MARF1: variants seen among roughly 807,000 people sequenced by gnomAD.
MARF1 encodes limkain-b1.
A neutral mutation model predicts 168.2 loss-of-function variants in MARF1; 24 were observed. The ratio of observed to expected loss-of-function variants is 0.14; its 90% CI spans 0.10 to 0.20. The LOEUF is 0.20. MARF1 is among the 10% of genes least tolerant of loss of function. The probability of loss-of-function intolerance (pLI) is 1.00; values close to 1 mark genes in which losing one functional copy is unlikely to be tolerated. For missense variants in MARF1, 1,744 were observed against 2,143.6 expected (o/e 0.81, Z 3.68); for synonymous variants, 868 against 822.4 (o/e 1.06, Z -0.95).
chr16:15,638,598 G>A (rs201340824), intron 2 of MARF1, among the ~76,000 whole-genome samples: 9 of 150,362 alleles, frequency 6.0e-5, no homozygotes, highest in Non-Finnish European at 1.0e-4. Flanking sequence ...AAAAAAAAAA[G>A]AAAATGTCAA....
At chr16:15,603,005 G>A (rs2032657906) in intron 22 of MARF1, among the ~76,000 whole-genome samples, 1 of 152,230 alleles carries the variant, frequency 6.6e-6, no homozygotes. Flanking sequence ...AACATGCTAT[G>A]GAATCGCCAA....
chr16:15,611,194 C>T, intron 18 of MARF1, 86 bp from the exon 19 acceptor site: 1 of 1,341,646 alleles, frequency 7.5e-7, no homozygotes, highest in Non-Finnish European at 1.1e-6. Flanking sequence ...CGCTGGGGCT[C>T]ACGCCTGTAA....
intron 16 of MARF1, among the ~76,000 whole-genome samples, chr16:15,615,321 C>T (rs552280559): frequency 1.3e-5 from 2 of 152,110 alleles, no homozygotes; most frequent in East Asian, 3.9e-4. Context: ...CACAGCAAGG[C>T]CCTATCTAAA....
intron 7 of MARF1, among the ~76,000 whole-genome samples, chr16:15,627,290 C>T (rs2034933570): frequency 6.6e-6 from 1 of 151,540 alleles, no homozygotes; most frequent in Non-Finnish European, 1.5e-5. Flanking sequence ...GAGTTCAAGA[C>T]CAGCCTGGCC....
In MARF1 at chr16:15,605,164, A is replaced by T. The variant is rs551535116; in HGVS notation, c.4183-766T>A. 1.4e-4 allele frequency among the ~76,000 whole-genome samples: 22 copies of T among 152,302 alleles called. No individual in the cohort carries two copies. The South Asian group carries it at 4.3e-3, about 30-fold the overall frequency. On this transcript the variant is annotated intron_variant, in intron 21 of 26. Coordinates refer to ENST00000396368, the MANE Select transcript of MARF1 (RefSeq NM_014647.4). Reference sequence around the variant, plus strand: ...GGCTGTGGCGTGAGCCTTTCCTGGCACAAAAACAGGCAGAGCTTTGGCACA... The same window carrying T: ...GGCTGTGGCGTGAGCCTTTCCTGGCTCAAAAACAGGCAGAGCTTTGGCACA...
At position 15,625,210 on chromosome 16, in the gene MARF1, A is replaced by C. The variant is rs770088064; in HGVS notation, c.1954-37T>G. 3.7e-6 allele frequency: 6 copies of C among 1,605,310 alleles called. No homozygotes were observed. The South Asian group carries it at 6.6e-5, about 18-fold the overall frequency. ...CAAGCACAGTGGGGTTTAAATTTTA[A>C]GTACCCAAGATGTGTTAGATCCTTT... On this transcript the variant is annotated intron_variant, in intron 8 of 26. Transcript: ENST00000396368.
intron 11 of MARF1, among the ~76,000 whole-genome samples, chr16:15,622,537 G>A (rs151072289): frequency 0.012 from 1,802 of 152,086 alleles, 38 homozygotes; most frequent in African/African-American, 0.041. Context: ...GACTACAGGC[G>A]TGCACCACCA....
intron 1 of MARF1, among the ~76,000 whole-genome samples, chr16:15,640,286 T>C (rs2035863043): frequency 6.6e-6 from 1 of 152,210 alleles, no homozygotes; most frequent in Admixed American, 6.5e-5. Context: ...ATTGAACCAA[T>C]TTCTTAGTTT....
In MARF1 at chr16:15,604,388, A is replaced by G. The variant is rs374820287; in HGVS notation, c.4193T>C (p.Ile1398Thr). The G allele has an allele frequency of 1.6e-5, 26 of 1,612,980 alleles. No homozygotes were observed. Among genetic ancestry groups the G allele is most frequent in the East Asian group, 2.2e-5 (1 of 44,886 alleles). The change falls in exon 22 of 27, where the codon ATA becomes ACA. Residue 1398 changes from isoleucine to threonine, a missense_variant. Physicochemically the swap from Ile to Thr is moderately conservative, Grantham distance 89 (BLOSUM62 -1). Around this residue, in one of 7 missense-constraint regions of MARF1, gnomAD observed 74 missense variants for 66.7 expected, o/e 1.11. Coordinates refer to ENST00000396368, the MANE Select transcript of MARF1 (RefSeq NM_014647.4). The part of the protein sequence containing the change: ...KLCHVVKVAD[I>T]ESGRQIQLIN... ...CAGCTGAATCTGTCTGCCAGATTCT[A>G]TATCGGCAACCTGGGGAAAACGAGA...
chr16:15,610,360 G>C (rs1418962854), intron 19 of MARF1: 2 of 153,068 alleles, frequency 1.3e-5, no homozygotes, highest in African/African-American at 4.8e-5. Flanking sequence ...ACCCCTTGGT[G>C]TTCTCAAGGG....
chr16:15,623,934 C>T (rs1289227357), intron 10 of MARF1, among the ~76,000 whole-genome samples: 49 of 126,886 alleles, frequency 3.9e-4, no homozygotes, highest in Admixed American at 2.3e-3. Context: ...TTTTTTGAGA[C>T]GGAGTCTCGC....
chr16:15,640,507 CA>C (rs1250418780), intron 1 of MARF1, among the ~76,000 whole-genome samples: 1 of 152,162 alleles, frequency 6.6e-6, no homozygotes, highest in Admixed American at 6.5e-5. Context: ...AGTTCCCAAC[CA>C]GCCTGGGCAA....
intron 4 of MARF1, among the ~76,000 whole-genome samples, chr16:15,634,547 T>G (rs1380223797): frequency 6.6e-6 from 1 of 152,170 alleles, no homozygotes; most frequent in Non-Finnish European, 1.5e-5. Flanking sequence ...ATACACAGCT[T>G]CTGTGTATAG....
At chr16:15,636,770 A>G (rs1362795822) in intron 2 of MARF1, among the ~76,000 whole-genome samples, 1 of 152,198 alleles carries the variant, frequency 6.6e-6, no homozygotes, top group Non-Finnish European at 1.5e-5. Context: ...AATACTTAAT[A>G]GTTCTGTGGT....
At chr16:15,628,283 G>A (rs2035012010) in intron 7 of MARF1, among the ~76,000 whole-genome samples, 1 of 152,052 alleles carries the variant, frequency 6.6e-6, no homozygotes, top group Non-Finnish European at 1.5e-5. Context: ...AATCTGGAGG[G>A]CAATACCAAA....
At chr16:15,632,941 T>C (rs974507813) in intron 5 of MARF1, among the ~76,000 whole-genome samples, 2 of 152,122 alleles carry the variant, frequency 1.3e-5, no homozygotes, top group Admixed American at 6.5e-5. Context: ...AATTATATAT[T>C]CTACGTGCCT....
chr16:15,636,386 G>C, intron 2 of MARF1, 44 bp from the exon 3 acceptor site: 1 of 1,461,006 alleles, frequency 6.8e-7, no homozygotes, highest in Non-Finnish European at 9.2e-7. Context: ...TATGAGGTCC[G>C]TGGTTTTTTG....
Position 15,600,662 on chromosome 16 carries a change from C to A in MARF1, c.4666G>T (p.Val1556Leu). 1 of 1,613,872 alleles carries A rather than the reference C, an allele frequency of 6.2e-7. No homozygotes were observed. Among genetic ancestry groups the A allele is most frequent in the South Asian group, 1.1e-5 (1 of 91,090 alleles). Residue 1556 changes from valine to leucine, a missense_variant, in exon 24 of 27, where the codon GTG (valine) becomes TTG (leucine). Transcript: ENST00000396368. The stretch of plus-strand genomic sequence containing the variant: ...TTACTTTTCATGTCATTTTTTAACA[C>A]TACAATTCTCTTATGACCATGTCCT... ...IKGHGHKRIVVLKNDMKSRLS... is the reference protein window; with the variant it reads ...IKGHGHKRIVLLKNDMKSRLS...
At chr16:15,627,132 A>G (rs371178682) in intron 7 of MARF1, among the ~76,000 whole-genome samples, 6 of 149,148 alleles carry the variant, frequency 4.0e-5, no homozygotes, top group African/African-American at 1.5e-4. Context: ...CGGGGGGATC[A>G]CTTGAGCCCA....
Sources: allele counts gnomAD v4.1 joint callset (sites outside exome capture counted in the v4.1 genomes callset), GRCh38; gene constraint gnomAD v4.1.1; regional missense constraint gnomAD v4.1.1; transcripts MANE v1.5; gene names NCBI Gene and HGNC (gene_info 2026-07-23, HGNC 2026-07-21).